Variants in SH3GL2 observed in about 807,000 individuals in gnomAD.
SH3GL2 encodes the protein endophilin-A1.
A neutral mutation model predicts 46.0 loss-of-function variants in SH3GL2; 24 were observed. That is an observed-to-expected ratio of 0.52 (90% confidence interval 0.38 to 0.73). The LOEUF (loss-of-function observed/expected upper bound fraction) is 0.73, where lower values mean the gene tolerates loss of function less well. SH3GL2 is among the 30% of genes least tolerant of loss of function. The pLI is 0.00. For missense variants in SH3GL2, 413 were observed against 424.2 expected (o/e 0.97, Z 0.23); for synonymous variants, 196 against 147.1 (o/e 1.33, Z -2.40).
intron 3 of SH3GL2, among the ~76,000 whole-genome samples, chr9:17,768,370 C>CA (rs34891273): frequency 0.11 from 7,211 of 66,706 alleles, 819 homozygotes; most frequent in African/African-American, 0.26. Context: ...GACTCTGTCT[C>CA]AAAAAAAAAA....
intron 1 of SH3GL2, among the ~76,000 whole-genome samples, chr9:17,682,415 T>C (rs1388151052): frequency 6.6e-6 from 1 of 152,152 alleles, no homozygotes; most frequent in Non-Finnish European, 1.5e-5. Flanking sequence ...TGCAGGGGCA[T>C]GGATGAAGCC....
chr9:17,707,016 C>G (rs1359924881), intron 1 of SH3GL2, among the ~76,000 whole-genome samples: 2 of 151,952 alleles, frequency 1.3e-5, no homozygotes, highest in Non-Finnish European at 2.9e-5. Context: ...ATATAAAGCC[C>G]TTACACTGCT....
intron 1 of SH3GL2, among the ~76,000 whole-genome samples, chr9:17,579,561 C>T (rs1818235473): frequency 6.6e-6 from 1 of 152,164 alleles, no homozygotes; most frequent in Non-Finnish European, 1.5e-5. Flanking sequence ...CGCATCATCT[C>T]GCGCCCGTGC....
At chr9:17,618,661 A>G (rs1251750264) in intron 1 of SH3GL2, among the ~76,000 whole-genome samples, 1 of 152,158 alleles carries the variant, frequency 6.6e-6, no homozygotes, top group Non-Finnish European at 1.5e-5. Flanking sequence ...GGCTTTATTT[A>G]GTAAATATGC....
At chr9:17,655,318 C>T (rs1025470423) in intron 1 of SH3GL2, among the ~76,000 whole-genome samples, 1 of 152,054 alleles carries the variant, frequency 6.6e-6, no homozygotes, top group Non-Finnish European at 1.5e-5. Flanking sequence ...TGTGTTTTGT[C>T]CCTCCCTCTT....
At chr9:17,721,790 G>A (rs550299542) in intron 1 of SH3GL2, among the ~76,000 whole-genome samples, 9 of 152,054 alleles carry the variant, frequency 5.9e-5, no homozygotes, top group African/African-American at 1.4e-4. Context: ...CCCAGCCTCC[G>A]TAACACTTGA....
intron 3 of SH3GL2, among the ~76,000 whole-genome samples, chr9:17,762,192 C>G (rs1823195377): frequency 1.3e-5 from 2 of 152,118 alleles, no homozygotes; most frequent in South Asian, 4.2e-4. Context: ...GTGTCAGTTT[C>G]TAACCACAGG....
At chr9:17,655,933 G>A (rs971700705) in intron 1 of SH3GL2, among the ~76,000 whole-genome samples, 7 of 152,192 alleles carry the variant, frequency 4.6e-5, no homozygotes, top group Admixed American at 2.6e-4. Context: ...GAAGAAAAGT[G>A]CTTTTAAAGC....
chr9:17,717,189 T>C (rs978920118), intron 1 of SH3GL2, among the ~76,000 whole-genome samples: 3 of 152,180 alleles, frequency 2.0e-5, no homozygotes. Context: ...CGGAAGGTCA[T>C]GTGGCTGATC....
chr9:17,788,238 A>T (rs1824018438), intron 5 of SH3GL2, among the ~76,000 whole-genome samples: 1 of 152,116 alleles, frequency 6.6e-6, no homozygotes, highest in African/African-American at 2.4e-5. Flanking sequence ...TTTGCTCAAG[A>T]TTATAGAGTT....
At chr9:17,718,561 A>G (rs1421258417) in intron 1 of SH3GL2, among the ~76,000 whole-genome samples, 1 of 152,144 alleles carries the variant, frequency 6.6e-6, no homozygotes, top group Non-Finnish European at 1.5e-5. Context: ...CATCTCTACC[A>G]AAACAACCCC....
chr9:17,660,196 G>T (rs930256030), intron 1 of SH3GL2, among the ~76,000 whole-genome samples: 1 of 151,212 alleles, frequency 6.6e-6, no homozygotes, highest in African/African-American at 2.5e-5. Flanking sequence ...GGCCAGGGCT[G>T]TGTTAAATTT....
chr9:17,600,910 T>C (rs1818657205), intron 1 of SH3GL2, among the ~76,000 whole-genome samples: 1 of 152,210 alleles, frequency 6.6e-6, no homozygotes, highest in Non-Finnish European at 1.5e-5. Flanking sequence ...GTTTAGAATA[T>C]GGCAACCTTA....
chr9:17,657,274 T>C (rs1820108388), intron 1 of SH3GL2, among the ~76,000 whole-genome samples: 1 of 152,172 alleles, frequency 6.6e-6, no homozygotes, highest in African/African-American at 2.4e-5. Flanking sequence ...GAACAGACAA[T>C]TTTTAATATA....
chr9:17,788,019 C>G (rs374496968), intron 5 of SH3GL2, among the ~76,000 whole-genome samples: 79 of 152,274 alleles, frequency 5.2e-4, no homozygotes, highest in South Asian at 3.7e-3. Context: ...AGAATACCAA[C>G]TAGCCACTTT....
At chr9:17,719,978 ACCT>A (rs1003934987) in intron 1 of SH3GL2, among the ~76,000 whole-genome samples, 15 of 151,568 alleles carry the variant, frequency 9.9e-5, no homozygotes, top group African/African-American at 3.4e-4. Flanking sequence ...ATTAAAAAAA[ACCT>A]CCTCTTTATT....
intron 1 of SH3GL2, among the ~76,000 whole-genome samples, chr9:17,731,991 A>G (rs1360373224): frequency 6.6e-6 from 1 of 152,168 alleles, no homozygotes; most frequent in Non-Finnish European, 1.5e-5. Context: ...CTGTGATGGC[A>G]GAGGAGGAGA....
rs1247088600 is a variant in SH3GL2 at position 17,786,531 on chromosome 9, A to C, written c.331+7A>C. The C allele has an allele frequency of 2.5e-6, 4 of 1,612,574 alleles. No homozygotes were observed. Among genetic ancestry groups the C allele is most frequent in the Non-Finnish European group, 3.4e-6 (4 of 1,179,088 alleles). On this transcript the variant is annotated splice_region_variant and intron_variant, in intron 4 of 8. Coordinates refer to ENST00000380607, the MANE Select transcript of SH3GL2 (RefSeq NM_003026.5). ...GGAGATGATTGCAACTTTGGTAACA[A>C]GTGCTTCCTCACATTGTAATTCTTT...
chr9:17,686,238 G>T (rs2118085736), intron 1 of SH3GL2, among the ~76,000 whole-genome samples: 2 of 126,182 alleles, frequency 1.6e-5, no homozygotes, highest in Middle Eastern at 7.8e-3. Flanking sequence ...ACCACAATGA[G>T]ATACCATCTC....
Sources: allele counts gnomAD v4.1 joint callset (sites outside exome capture counted in the v4.1 genomes callset), GRCh38; gene constraint gnomAD v4.1.1; transcripts MANE v1.5; gene names NCBI Gene and HGNC (gene_info 2026-07-23, HGNC 2026-07-21).